The following FRA10AC1 variants were observed in gnomAD, a reference collection of about 807,000 sequenced individuals.
FRA10AC1 encodes the protein protein FRA10AC1.
In FRA10AC1, 43 loss-of-function variants were observed where a neutral mutation model predicts 56.5. The observed-to-expected ratio is 0.76, with a 90% CI of 0.60 to 0.98. The LOEUF is 0.98. Among genes scored for constraint, FRA10AC1 ranks in the 50% least tolerant of loss-of-function variants. FRA10AC1 has a pLI of 0.00. For missense variants in FRA10AC1, 346 were observed against 351.8 expected, an observed-to-expected ratio of 0.98 and a Z score of 0.13; for synonymous variants, 112 against 110.5, an observed-to-expected ratio of 1.01 and a Z score of -0.09.
At chr10:93,672,000 A>T (rs1028688838) in intron 12 of FRA10AC1, 11 of 429,816 alleles carry the variant, frequency 2.6e-5, no homozygotes, top group African/African-American at 4.1e-5. Flanking sequence ...CTAAAAATTT[A>T]AAAATACTGC....
chr10:93,670,608 T>C (rs577580930), intron 13 of FRA10AC1, among the ~76,000 whole-genome samples, 162 bp downstream of exon 13: 1 of 152,270 alleles, frequency 6.6e-6, no homozygotes, highest in Non-Finnish European at 1.5e-5. Flanking sequence ...TGTTGGCTGC[T>C]TATGACAATG....
At chr10:93,693,501 TATATATACACCATATATATATATATAC>T (rs200913847) in intron 5 of FRA10AC1, among the ~76,000 whole-genome samples, 1 of 39,828 alleles carries the variant, frequency 2.5e-5, no homozygotes, top group South Asian at 7.5e-4. Flanking sequence ...TATATATATA[TATATATACACCATATATATATATATAC>T]ACCATATATA....
At position 93,669,871 on chromosome 10, in the gene FRA10AC1, A is replaced by G. The variant is rs1314158306; in HGVS notation, c.906-3T>C. On this transcript the variant is annotated splice_region_variant and splice_polypyrimidine_tract_variant and intron_variant, in intron 13 of 13. Transcript: ENST00000359204. ...AATACTCATCAAATTCTTCTTCCCT[A>G]TTTAAAAAAAAAAGCATACTTAAGA... 6.5e-7 allele frequency: 1 copy of G among 1,537,554 alleles called. No individual in the cohort carries two copies. Among genetic ancestry groups the G allele is most frequent in the African/African-American group, 1.4e-5 (1 of 72,408 alleles).
chr10:93,697,420 T>C (rs140035751), intron 4 of FRA10AC1, among the ~76,000 whole-genome samples: 1 of 152,316 alleles, frequency 6.6e-6, no homozygotes, highest in African/African-American at 2.4e-5. Context: ...AGGGGGCGTA[T>C]CAAATTGACA....
At position 93,673,742 on chromosome 10, in the gene FRA10AC1, C is replaced by T. The variant is rs189629225; in HGVS notation, c.827-2894G>A. 505 of 442,252 alleles carry T rather than the reference C, an allele frequency of 1.1e-3. 4 individuals carry two copies. The highest frequency in any genetic ancestry group is 5.8e-3 in the Middle Eastern group (17 of 2,954). 27.4% of individuals were successfully genotyped at this position (442,252 alleles called of 1,614,324 possible). On this transcript the variant is annotated intron_variant, in intron 12 of 13. Coordinates refer to ENST00000359204, the MANE Select transcript of FRA10AC1 (RefSeq NM_145246.5). ...TACAGGTTATCAAGGACTTACTTTGCGTCAGGCACATACTTTACATGTATG... is the reference window on the plus strand; with the variant it reads ...TACAGGTTATCAAGGACTTACTTTGTGTCAGGCACATACTTTACATGTATG...
intron 11 of FRA10AC1, 151 bp from the exon 12 acceptor site, chr10:93,676,842 C>A: frequency 8.0e-7 from 1 of 1,257,698 alleles, no homozygotes; most frequent in Non-Finnish European, 1.0e-6. Flanking sequence ...GTTCCTTAGT[C>A]TTATCTCCCT....
chr10:93,689,337 G>C (rs181854940), intron 7 of FRA10AC1, among the ~76,000 whole-genome samples: 116 of 151,786 alleles, frequency 7.6e-4, no homozygotes, highest in African/African-American at 2.7e-3. Flanking sequence ...GCAAATAAAG[G>C]CTCAAAATAT....
At chr10:93,697,647 A>T (rs2059255463) in intron 4 of FRA10AC1, among the ~76,000 whole-genome samples, 1 of 152,208 alleles carries the variant, frequency 6.6e-6, no homozygotes, top group South Asian at 2.1e-4. Context: ...AGTCATGCCT[A>T]AAAATTAAAG....
chr10:93,670,117 A>C (rs2058737974), intron 13 of FRA10AC1, among the ~76,000 whole-genome samples: 1 of 152,072 alleles, frequency 6.6e-6, no homozygotes, highest in African/African-American at 2.4e-5. Context: ...TATTACCTAA[A>C]ATTTTGCTTT....
At position 93,697,644 on chromosome 10, in the gene FRA10AC1, C is replaced by A. The variant is rs1398693203; in HGVS notation, c.219+492G>T. ...ATCTTAAAGATAGCTTTAAGTCATG[C>A]CTAAAAATTAAAGCCATGGCAGGCC... On this transcript the variant is annotated intron_variant, in intron 4 of 13. Transcript: ENST00000359204. Among the ~76,000 whole-genome samples the A allele has an allele frequency of 3.3e-5, 5 of 152,052 alleles. No individual in the cohort carries two copies. The South Asian group carries it at 1.0e-3, about 32-fold the overall frequency.
chr10:93,676,741 A>C (rs1240284860), intron 11 of FRA10AC1, 50 bp from the exon 12 acceptor site: 2 of 1,514,570 alleles, frequency 1.3e-6, no homozygotes. Context: ...GTAATAGTGC[A>C]ATCATTGTAG....
intron 8 of FRA10AC1, chr10:93,685,576 G>T: frequency 2.7e-6 from 1 of 369,346 alleles, no homozygotes. Context: ...TTGCTTGATA[G>T]ACTGTATTTA....
chr10:93,677,314 A>T (rs1236707635), intron 11 of FRA10AC1, among the ~76,000 whole-genome samples: 1 of 152,166 alleles, frequency 6.6e-6, no homozygotes, highest in Non-Finnish European at 1.5e-5. Context: ...TGATAAAGTA[A>T]AAAAGGGCAG....
intron 12 of FRA10AC1, chr10:93,673,033 G>A: frequency 5.2e-6 from 1 of 193,852 alleles, no homozygotes; most frequent in South Asian, 9.0e-5. Flanking sequence ...AGGGGAACCT[G>A]GAGGTCATTT....
Position 93,676,640 on chromosome 10 carries a change from A to T in FRA10AC1, c.826+13T>A, listed in dbSNP as rs187411943. ...AAATGCATATTTTTATTAAATAAAC[A>T]CTTGTTACTTACTAAGTAGAGAATC... On this transcript the variant is annotated intron_variant, in intron 12 of 13. Transcript: ENST00000359204. 2.6e-6 allele frequency: 4 copies of T among 1,555,024 alleles called. No homozygotes were observed. The East Asian group carries it at 7.1e-5, about 28-fold the overall frequency.
chr10:93,691,876 C>T (rs539893858), intron 7 of FRA10AC1, 133 bp downstream of exon 7: 2 of 935,608 alleles, frequency 2.1e-6, no homozygotes, highest in East Asian at 3.6e-5. Context: ...GTCCAAATGA[C>T]ACATCATAAA....
rs2058727045 is a variant in FRA10AC1, at chr10:93,669,435, TC to T, written c.*390del. The stretch of plus-strand genomic sequence containing the variant: ...AAGAAAAAAATGAAAAACAAACAAA[TC>T]CAGTATTGGTGGCTCTAAAAAAGAG... On this transcript the variant is annotated 3_prime_UTR_variant, in exon 14 of 14. Coordinates refer to ENST00000359204, the MANE Select transcript of FRA10AC1 (RefSeq NM_145246.5). The T allele has an allele frequency of 6.5e-6, 1 of 153,772 alleles. No homozygotes were observed. The highest frequency in any genetic ancestry group is 1.4e-5 in the Non-Finnish European group (1 of 70,418). 9.5% of individuals were successfully genotyped at this position (153,772 alleles called of 1,614,324 possible). A position where few individuals can be genotyped will look rare whatever the true frequency, so the allele number is the denominator to read the frequency against.
At chr10:93,694,542 C>A (rs537686487) in intron 5 of FRA10AC1, among the ~76,000 whole-genome samples, 44 of 151,790 alleles carry the variant, frequency 2.9e-4, no homozygotes, top group Admixed American at 1.8e-3. Flanking sequence ...GGTGAAACCC[C>A]GTCTCTACTA....
At chr10:93,693,727 G>T (rs2059182768) in intron 5 of FRA10AC1, among the ~76,000 whole-genome samples, 1 of 134,976 alleles carries the variant, frequency 7.4e-6, no homozygotes. Flanking sequence ...TATATACCAT[G>T]GAATACTACT....
Sources: allele counts gnomAD v4.1 joint callset (sites outside exome capture counted in the v4.1 genomes callset), GRCh38; gene constraint gnomAD v4.1.1; transcripts MANE v1.5; gene names NCBI Gene and HGNC (gene_info 2026-07-23, HGNC 2026-07-21).